Variants in CCSER1 observed in about 807,000 individuals in gnomAD.
CCSER1 encodes the protein serine-rich coiled-coil domain-containing protein 1.
A neutral mutation model predicts 82.0 loss-of-function variants in CCSER1; 41 were observed. That is an observed-to-expected ratio of 0.50 (90% CI 0.39 to 0.65). CCSER1 has a LOEUF of 0.65. CCSER1 is among the 30% of genes least tolerant of loss of function. The probability of loss-of-function intolerance (pLI) is 0.00; values close to 1 mark genes in which losing one functional copy is unlikely to be tolerated. For synonymous variants in CCSER1, 414 were observed against 383.9 expected (o/e 1.08, Z -0.92); for missense variants, 1,119 against 1,064.2 (o/e 1.05, Z -0.72).
chr4:90,673,810 A>G (rs547216898), intron 6 of CCSER1, among the ~76,000 whole-genome samples: 1 of 152,154 alleles, frequency 6.6e-6, no homozygotes, highest in African/African-American at 2.4e-5. Flanking sequence ...TTTTTAAGAT[A>G]CATAACATCT....
chr4:90,853,152 G>A (rs895986499), intron 8 of CCSER1, among the ~76,000 whole-genome samples: 1 of 152,186 alleles, frequency 6.6e-6, no homozygotes, highest in South Asian at 2.1e-4. Flanking sequence ...TTCTACCTCT[G>A]TTCATACCCT....
intron 6 of CCSER1, among the ~76,000 whole-genome samples, chr4:90,664,629 G>A (rs1176870434): frequency 1.3e-5 from 2 of 152,142 alleles, no homozygotes; most frequent in Non-Finnish European, 2.9e-5. Context: ...GGCCAGGCAC[G>A]GTAGCTCACG....
chr4:90,723,086 T>G (rs1027612640), intron 6 of CCSER1, among the ~76,000 whole-genome samples: 33 of 151,994 alleles, frequency 2.2e-4, no homozygotes, highest in African/African-American at 7.5e-4. Context: ...TTTCAATGTT[T>G]TCTTTTGTTT....
chr4:91,309,296 T>A (rs1351503464), intron 10 of CCSER1, among the ~76,000 whole-genome samples: 1 of 151,974 alleles, frequency 6.6e-6, no homozygotes, highest in Non-Finnish European at 1.5e-5. Flanking sequence ...CTATTTAAAA[T>A]AAAACCACCA....
At chr4:90,725,088 A>G in intron 7 of CCSER1, 1 of 370,304 alleles carries the variant, frequency 2.7e-6, no homozygotes, top group Non-Finnish European at 5.4e-6. Flanking sequence ...TATTTATTGA[A>G]ACATTTTCTT....
chr4:90,851,573 CTT>C (rs35593031), intron 8 of CCSER1, among the ~76,000 whole-genome samples: 1,504 of 129,746 alleles, frequency 0.012, 16 homozygotes, highest in African/African-American at 0.028. Flanking sequence ...ACTTATAGAG[CTT>C]TTTTTTTTTT....
chr4:91,309,112 G>A (rs1745267467), intron 10 of CCSER1, among the ~76,000 whole-genome samples: 1 of 151,670 alleles, frequency 6.6e-6, no homozygotes. Context: ...TTTAAAAATA[G>A]CAACATATTT....
intron 10 of CCSER1, among the ~76,000 whole-genome samples, chr4:91,267,387 ATAACTT>A (rs1047952799): frequency 6.6e-6 from 1 of 152,322 alleles, no homozygotes; most frequent in Non-Finnish European, 1.5e-5. Flanking sequence ...TAGGAAAAAA[ATAACTT>A]TAAGAAAAAT....
intron 10 of CCSER1, among the ~76,000 whole-genome samples, chr4:91,303,003 T>C (rs1744790338): frequency 6.6e-6 from 1 of 151,964 alleles, no homozygotes; most frequent in South Asian, 2.1e-4. Flanking sequence ...GCCACAAGAG[T>C]GTCTAGCACT....
chr4:91,250,071 A>G (rs1291732575), intron 10 of CCSER1, among the ~76,000 whole-genome samples: 1 of 152,090 alleles, frequency 6.6e-6, no homozygotes, highest in Non-Finnish European at 1.5e-5. Flanking sequence ...ATTTCCCTTA[A>G]ACTCTTTCTG....
chr4:90,237,327 T>C (rs995139061), intron 1 of CCSER1, among the ~76,000 whole-genome samples: 1 of 152,186 alleles, frequency 6.6e-6, no homozygotes, highest in Non-Finnish European at 1.5e-5. Flanking sequence ...CTGCATTTAA[T>C]GTTTTCGTTT....
chr4:90,918,955 T>G (rs537896929), intron 8 of CCSER1, among the ~76,000 whole-genome samples: 6 of 151,860 alleles, frequency 4.0e-5, no homozygotes, highest in African/African-American at 1.2e-4. Context: ...CTATGTTGAC[T>G]TTATCATTTT....
intron 1 of CCSER1, among the ~76,000 whole-genome samples, chr4:90,186,064 A>G (rs947603181): frequency 2.0e-5 from 3 of 152,030 alleles, no homozygotes; most frequent in Admixed American, 6.6e-5. Flanking sequence ...GCTCTCAACT[A>G]TCTTGCATTG....
chr4:90,601,000 T>C, intron 5 of CCSER1, among the ~76,000 whole-genome samples: 1 of 152,032 alleles, frequency 6.6e-6, no homozygotes, highest in East Asian at 1.9e-4. Flanking sequence ...ATGTATTGAA[T>C]ACAATGGAGT....
chr4:90,912,087 T>C (rs1726481823), intron 8 of CCSER1, among the ~76,000 whole-genome samples: 1 of 152,194 alleles, frequency 6.6e-6, no homozygotes, highest in Non-Finnish European at 1.5e-5. Flanking sequence ...AGCAGAAACC[T>C]CTGCAGACTT....
intron 10 of CCSER1, among the ~76,000 whole-genome samples, chr4:91,266,488 T>A (rs1741599028): frequency 6.6e-6 from 1 of 152,052 alleles, no homozygotes; most frequent in African/African-American, 2.4e-5. Flanking sequence ...CCTGATGTCG[T>A]GATCTGCCCA....
intron 10 of CCSER1, among the ~76,000 whole-genome samples, chr4:91,416,689 A>T (rs777461976): frequency 1.3e-5 from 2 of 152,200 alleles, no homozygotes; most frequent in African/African-American, 2.4e-5. Context: ...CTTATATCTT[A>T]TACAAAAATT....
chr4:90,891,088 A>G (rs1722896489), intron 8 of CCSER1, among the ~76,000 whole-genome samples: 1 of 152,082 alleles, frequency 6.6e-6, no homozygotes, highest in Admixed American at 6.6e-5. Context: ...TAATTTCCAA[A>G]TAAAGTTAGG....
At chr4:90,504,186 A>G (rs1052992303) in intron 5 of CCSER1, among the ~76,000 whole-genome samples, 11 of 152,256 alleles carry the variant, frequency 7.2e-5, no homozygotes, top group African/African-American at 2.6e-4. Context: ...CATATTTCAT[A>G]TACAGAATTA....
Sources: allele counts gnomAD v4.1 joint callset (sites outside exome capture counted in the v4.1 genomes callset), GRCh38; gene constraint gnomAD v4.1.1; transcripts MANE v1.5; gene names NCBI Gene and HGNC (gene_info 2026-07-23, HGNC 2026-07-21).